TMEM192: variants seen among roughly 807,000 people sequenced by gnomAD.
TMEM192 encodes the protein transmembrane protein 192.
A neutral mutation model predicts 26.7 loss-of-function variants in TMEM192; 20 were observed. The observed-to-expected ratio is 0.75, with a 90% CI of 0.53 to 1.09. TMEM192 has a LOEUF of 1.09. TMEM192 is among the 50% of genes least tolerant of loss of function. The pLI, the probability that TMEM192 is intolerant of heterozygous loss-of-function variation, is 0.00. For missense variants in TMEM192, 304 were observed against 322.6 expected (o/e 0.94, Z 0.44); for synonymous variants, 124 against 121.0 (o/e 1.02, Z -0.16).
chr4:165,110,232 GTTGTT>G (rs1308180021), intron 1 of TMEM192, among the ~76,000 whole-genome samples: 1 of 152,166 alleles, frequency 6.6e-6, no homozygotes, highest in East Asian at 1.9e-4. Context: ...GAAGATGTCT[GTTGTT>G]TTTGCCCACA....
At chr4:165,098,135 T>A (rs1037732347) in intron 3 of TMEM192, among the ~76,000 whole-genome samples, 1 of 150,240 alleles carries the variant, frequency 6.7e-6, no homozygotes, top group Non-Finnish European at 1.5e-5. Context: ...GGCCTTAATT[T>A]TTTTTTTAGA....
chr4:165,095,072 C>T (rs1428349919), intron 3 of TMEM192, among the ~76,000 whole-genome samples: 1 of 151,974 alleles, frequency 6.6e-6, no homozygotes, highest in Non-Finnish European at 1.5e-5. Context: ...GTAATGACCA[C>T]AGGCTGAGAG....
intron 3 of TMEM192, among the ~76,000 whole-genome samples, chr4:165,098,740 C>T (rs144989454): frequency 1.3e-5 from 2 of 152,146 alleles, no homozygotes; most frequent in East Asian, 1.9e-4. Context: ...TCTTGTTGCC[C>T]AGGCTGGAGT....
chr4:165,107,223 C>A (rs1735182555), intron 1 of TMEM192, among the ~76,000 whole-genome samples: 1 of 152,028 alleles, frequency 6.6e-6, no homozygotes. Flanking sequence ...CGGGGTTTCA[C>A]CATGTTGGCC....
chr4:165,101,115 T>C (rs1256723323), intron 2 of TMEM192, among the ~76,000 whole-genome samples: 1 of 151,246 alleles, frequency 6.6e-6, no homozygotes, highest in African/African-American at 2.4e-5. Flanking sequence ...TAGCTGGGAC[T>C]ACAGGCACCC....
In TMEM192 at chr4:165,085,703, T is replaced by C. The variant is rs531412617; in HGVS notation, c.575-15A>G. ...CCGGATTTTCACTAAAATAATAAAG[T>C]CATTATTAGATCGAATTCTGAAAGA... On this transcript the variant is annotated splice_polypyrimidine_tract_variant and intron_variant, in intron 4 of 5. Transcript: ENST00000306480. 5.3e-6 allele frequency: 8 copies of C among 1,517,318 alleles called. No homozygotes were observed. Among genetic ancestry groups the C allele is most frequent in the Non-Finnish European group, 6.3e-6 (7 of 1,108,340 alleles). 94.0% of individuals were successfully genotyped at this position (1,517,318 alleles called of 1,614,324 possible).
At chr4:165,080,961 C>T (rs922988215) in intron 5 of TMEM192, among the ~76,000 whole-genome samples, 1 of 152,084 alleles carries the variant, frequency 6.6e-6, no homozygotes, top group Non-Finnish European at 1.5e-5. Flanking sequence ...GTGATCTGCC[C>T]GCCTCAGCTT....
intron 1 of TMEM192, among the ~76,000 whole-genome samples, chr4:165,107,425 G>GC (rs931128328): frequency 1.3e-5 from 2 of 150,900 alleles, no homozygotes; most frequent in Non-Finnish European, 2.9e-5. Context: ...CAGCCTCCGT[G>GC]CCCCCCTCCC....
chr4:165,100,006 T>C (rs138552328), intron 3 of TMEM192, among the ~76,000 whole-genome samples: 12 of 152,152 alleles, frequency 7.9e-5, no homozygotes, highest in African/African-American at 2.6e-4. Context: ...AAATGTCAAA[T>C]AGCAACAGCA....
rs761391403 is a variant in TMEM192, at chr4:165,100,619, T to C, written c.439+9A>G. 3.7e-6 allele frequency: 6 copies of C among 1,605,774 alleles called. No individual in the cohort carries two copies. The South Asian group carries it at 6.7e-5, about 18-fold the overall frequency. On this transcript the variant is annotated intron_variant, in intron 3 of 5. Transcript: ENST00000306480. Reference sequence around the variant, plus strand: ...AGCACCCAAGTAGCTGAGAGAAAATTGGACATACCAGAGGACTGTATCATC... The same window carrying C: ...AGCACCCAAGTAGCTGAGAGAAAATCGGACATACCAGAGGACTGTATCATC...
intron 1 of TMEM192, among the ~76,000 whole-genome samples, chr4:165,106,127 T>G (rs986286033): frequency 6.6e-6 from 1 of 152,156 alleles, no homozygotes; most frequent in Non-Finnish European, 1.5e-5. Flanking sequence ...TATTTGTAAA[T>G]TACCCTATTT....
At chr4:165,088,016 C>T (rs534758652) in intron 4 of TMEM192, among the ~76,000 whole-genome samples, 1 of 152,148 alleles carries the variant, frequency 6.6e-6, no homozygotes, top group African/African-American at 2.4e-5. Flanking sequence ...CTCTAGTGAT[C>T]CTCCCACGTC....
chr4:165,078,621 T>A lies in TMEM192; in HGVS notation c.*1037A>T, dbSNP rs548503651. On this transcript the variant is annotated 3_prime_UTR_variant, in exon 6 of 6. Coordinates refer to ENST00000306480, the MANE Select transcript of TMEM192 (RefSeq NM_001100389.2). ...TAACCAGACTGAAATATACAGCAAC[T>A]TCTTGAAGAATGGCAAAAATAAAGT... The A allele has an allele frequency of 3.3e-5, 5 of 152,304 alleles. No homozygotes were observed. The South Asian group carries it at 1.0e-3, about 32-fold the overall frequency. 9.4% of individuals were successfully genotyped at this position (152,304 alleles called of 1,614,324 possible). A position where few individuals can be genotyped will look rare whatever the true frequency, so the allele number is the denominator to read the frequency against.
chr4:165,100,544 T>C (rs1289913476), intron 3 of TMEM192, 84 bp downstream of exon 3: 1 of 1,444,318 alleles, frequency 6.9e-7, no homozygotes, highest in Non-Finnish European at 9.4e-7. Context: ...ATATATTTGA[T>C]TCTAAAATCA....
chr4:165,108,757 C>T (rs1735226435), intron 1 of TMEM192, among the ~76,000 whole-genome samples: 1 of 152,138 alleles, frequency 6.6e-6, no homozygotes, highest in Admixed American at 6.6e-5. Context: ...CCAGGGGGCT[C>T]CCCGTGCATA....
chr4:165,102,734 CA>C (rs1449989820), intron 2 of TMEM192, among the ~76,000 whole-genome samples: 1 of 148,958 alleles, frequency 6.7e-6, no homozygotes. Flanking sequence ...TACATGTGTG[CA>C]AATATATCCA....
rs771816502 is a variant in TMEM192, at chr4:165,079,813, T to C, written c.678-17A>G. The C allele has an allele frequency of 5.0e-6, 8 of 1,612,310 alleles. No homozygotes were observed. Among genetic ancestry groups the C allele is most frequent in the Non-Finnish European group, 6.8e-6 (8 of 1,179,148 alleles). On this transcript the variant is annotated splice_polypyrimidine_tract_variant and intron_variant, in intron 5 of 5. Coordinates refer to ENST00000306480, the MANE Select transcript of TMEM192 (RefSeq NM_001100389.2). ...GAAATAGTTCTGCAAGTAATCAAGA[T>C]ATAAATGGGTTACACATATTCACCA... is the stretch of plus-strand genomic sequence containing the variant.
intron 3 of TMEM192, among the ~76,000 whole-genome samples, chr4:165,095,191 T>C (rs1734866276): frequency 6.6e-6 from 1 of 152,116 alleles, no homozygotes; most frequent in Non-Finnish European, 1.5e-5. Flanking sequence ...ATAATGCTTA[T>C]CACACAGGGT....
At chr4:165,079,858 C>T in intron 5 of TMEM192, 62 bp from the exon 6 acceptor site, 1 of 1,499,510 alleles carries the variant, frequency 6.7e-7, no homozygotes, top group South Asian at 1.3e-5. Context: ...AGTGTCTTTG[C>T]AAATGAGTAC....
Sources: allele counts gnomAD v4.1 joint callset (sites outside exome capture counted in the v4.1 genomes callset), GRCh38; gene constraint gnomAD v4.1.1; transcripts MANE v1.5; gene names NCBI Gene and HGNC (gene_info 2026-07-23, HGNC 2026-07-21).